The following EIPR1 variants were observed in gnomAD, a reference collection of about 807,000 sequenced individuals.
EIPR1 encodes EARP complex and GARP complex interacting protein 1.
In EIPR1, 25 loss-of-function variants were observed where a neutral mutation model predicts 48.1. The observed-to-expected ratio is 0.52, with a 90% CI of 0.38 to 0.73. The LOEUF (loss-of-function observed/expected upper bound fraction) is 0.73. EIPR1 is among the 30% of genes least tolerant of loss of function. The pLI is 0.00. For missense variants in EIPR1, 415 were observed against 506.2 expected, an observed-to-expected ratio of 0.82 and a Z score of 1.73; for synonymous variants, 204 against 201.9, an observed-to-expected ratio of 1.01 and a Z score of -0.09.
intron 4 of EIPR1, 108 bp from the exon 5 acceptor site, chr2:3,214,356 C>T (rs147275730): frequency 5.1e-6 from 5 of 981,256 alleles, no homozygotes; most frequent in Non-Finnish European, 7.7e-6. Flanking sequence ...TCTTTTCCGG[C>T]CTGTAGTCAC....
chr2:3,329,034 T>C (rs191815630), intron 3 of EIPR1, among the ~76,000 whole-genome samples: 21 of 85,108 alleles, frequency 2.5e-4, no homozygotes, highest in Admixed American at 5.5e-4. Flanking sequence ...GCTCCCTGAA[T>C]CAGAGCCCAC....
chr2:3,230,687 T>C (rs1455433804), intron 4 of EIPR1, among the ~76,000 whole-genome samples: 1 of 152,250 alleles, frequency 6.6e-6, no homozygotes, highest in East Asian at 1.9e-4. Flanking sequence ...ATTTATGAGC[T>C]TTCTATTCTG....
At chr2:3,194,226 G>C (rs891919963) in intron 6 of EIPR1, 60 bp from the exon 7 acceptor site, 62 of 1,589,180 alleles carry the variant, frequency 3.9e-5, no homozygotes, top group Non-Finnish European at 5.2e-5. Context: ...AAGCCACTGC[G>C]TGCTGCGGGC....
At chr2:3,218,279 C>T (rs1187106114) in intron 4 of EIPR1, among the ~76,000 whole-genome samples, 1 of 150,622 alleles carries the variant, frequency 6.6e-6, no homozygotes, top group Admixed American at 6.6e-5. Flanking sequence ...CAGGTGCACA[C>T]CCAACACGGC....
intron 3 of EIPR1, among the ~76,000 whole-genome samples, chr2:3,289,756 C>T (rs1411704986): frequency 6.6e-6 from 1 of 152,236 alleles, no homozygotes; most frequent in Non-Finnish European, 1.5e-5. Flanking sequence ...ACGCAATTCA[C>T]ACTTAGTGTC....
At chr2:3,289,763 T>C (rs1287057191) in intron 3 of EIPR1, among the ~76,000 whole-genome samples, 2 of 152,224 alleles carry the variant, frequency 1.3e-5, no homozygotes, top group South Asian at 4.1e-4. Flanking sequence ...TCACACTTAG[T>C]GTCCAAAGCT....
intron 4 of EIPR1, among the ~76,000 whole-genome samples, chr2:3,238,689 A>G (rs1666495205): frequency 6.6e-6 from 1 of 152,196 alleles, no homozygotes. Context: ...ATGCCTTTGA[A>G]CCTTCGCCGT....
At chr2:3,327,169 A>G (rs116085750) in intron 3 of EIPR1, among the ~76,000 whole-genome samples, 4,545 of 152,300 alleles carry the variant, frequency 0.03, 229 homozygotes, top group African/African-American at 0.1. Context: ...TGGATATGCC[A>G]TAGATGTCAT....
chr2:3,206,706 TACAC>T (rs763322284), intron 5 of EIPR1, among the ~76,000 whole-genome samples: 2 of 152,288 alleles, frequency 1.3e-5, no homozygotes, highest in South Asian at 4.2e-4. Context: ...ACCTCAGTTT[TACAC>T]ACTCAAAATT....
chr2:3,233,536 C>G (rs569186417), intron 4 of EIPR1, among the ~76,000 whole-genome samples: 1 of 152,164 alleles, frequency 6.6e-6, no homozygotes, highest in Non-Finnish European at 1.5e-5. Context: ...GGATCCCAGC[C>G]GTAACTGTGA....
chr2:3,375,078 T>C (rs571270384), intron 1 of EIPR1, among the ~76,000 whole-genome samples: 1 of 151,028 alleles, frequency 6.6e-6, no homozygotes, highest in South Asian at 2.1e-4. Context: ...ATGTCCTTTG[T>C]AGGGACGTGG....
chr2:3,328,822 C>G (rs1366986921), intron 3 of EIPR1, among the ~76,000 whole-genome samples: 8 of 102,612 alleles, frequency 7.8e-5, no homozygotes, highest in East Asian at 5.4e-4. Context: ...CCACCCACCA[C>G]GCTCTAATGA....
At chr2:3,269,466 AGTC>A (rs1490029079) in intron 3 of EIPR1, among the ~76,000 whole-genome samples, 1 of 142,842 alleles carries the variant, frequency 7.0e-6, no homozygotes, top group Non-Finnish European at 1.5e-5. Context: ...CACCACACTC[AGTC>A]ATCGCACTCA....
chr2:3,252,137 C>T (rs976568008), intron 4 of EIPR1, among the ~76,000 whole-genome samples: 5 of 152,196 alleles, frequency 3.3e-5, no homozygotes, highest in Non-Finnish European at 7.3e-5. Flanking sequence ...CACTCAAATA[C>T]GCGGAGTGTC....
In EIPR1 at chr2:3,212,772, T is replaced by C. The variant is rs555907854; in HGVS notation, c.516+1377A>G. 1.1e-4 allele frequency among the ~76,000 whole-genome samples: 17 copies of C among 152,338 alleles called. 1 individual carries two copies. In the South Asian group the frequency reaches 3.3e-3, roughly 30 times the overall value. ...CGTTTCCTGTTTTATCTTAAAAGTT[T>C]GTGTGAAACTTGCATTCTACTCCAA... is the stretch of plus-strand genomic sequence containing the variant. On this transcript the variant is annotated intron_variant, in intron 5 of 8. Transcript: ENST00000382125.
intron 4 of EIPR1, among the ~76,000 whole-genome samples, chr2:3,253,989 G>T (rs867478516): frequency 1.3e-5 from 2 of 152,144 alleles, no homozygotes; most frequent in Middle Eastern, 3.2e-3. Flanking sequence ...GTGGGGAACC[G>T]TGTGGCATTC....
intron 1 of EIPR1, among the ~76,000 whole-genome samples, chr2:3,364,191 GT>G (rs1330438535): frequency 6.6e-6 from 1 of 152,160 alleles, no homozygotes; most frequent in Admixed American, 6.6e-5. Flanking sequence ...AAATCAGTAT[GT>G]TGAAGAGATA....
At chr2:3,341,313 G>A (rs966904141) in intron 2 of EIPR1, among the ~76,000 whole-genome samples, 6 of 152,104 alleles carry the variant, frequency 3.9e-5, no homozygotes, top group Admixed American at 1.3e-4. Context: ...ACCATTCACC[G>A]CAGGCCTGGA....
intron 4 of EIPR1, among the ~76,000 whole-genome samples, chr2:3,244,035 A>C (rs1666721897): frequency 6.6e-6 from 1 of 152,220 alleles, no homozygotes; most frequent in Non-Finnish European, 1.5e-5. Flanking sequence ...CTCCTCTCTA[A>C]GGCTGTGACA....
Sources: gnomAD v4.1 joint callset for allele counts (sites outside exome capture counted in the v4.1 genomes callset) on GRCh38, gnomAD v4.1.1 for gene constraint, MANE v1.5 for transcripts, NCBI Gene and HGNC (gene_info 2026-07-23, HGNC 2026-07-21) for gene names.